Variants in PRKCB observed in about 807,000 individuals in gnomAD.
The protein encoded by PRKCB is protein kinase C beta.
In PRKCB, 13 loss-of-function variants were observed where a neutral mutation model predicts 81.5. The observed-to-expected ratio is 0.16, with a 90% CI of 0.10 to 0.25. The LOEUF (loss-of-function observed/expected upper bound fraction) is 0.25, where lower values mean the gene tolerates loss of function less well. PRKCB is among the 10% of genes least tolerant of loss of function. The pLI, the probability that PRKCB is intolerant of heterozygous loss-of-function variation, is 1.00. For synonymous variants in PRKCB, 335 were observed against 321.4 expected, an observed-to-expected ratio of 1.04 and a Z score of -0.45; for missense variants, 509 against 875.7, an observed-to-expected ratio of 0.58 and a Z score of 5.29.
chr16:23,881,786 G>A (rs1221924012), intron 2 of PRKCB, among the ~76,000 whole-genome samples: 3 of 151,170 alleles, frequency 2.0e-5, no homozygotes, highest in East Asian at 1.9e-4. Flanking sequence ...TTTTCATCTC[G>A]TAAAACTGAA....
chr16:23,916,103 GAGTGC>G (rs1963734660), intron 2 of PRKCB, among the ~76,000 whole-genome samples: 1 of 152,042 alleles, frequency 6.6e-6, no homozygotes, highest in African/African-American at 2.4e-5. Flanking sequence ...GCCCAGGCTG[GAGTGC>G]AGTGGGGTGA....
chr16:24,140,577 G>A (rs1474145822), intron 9 of PRKCB, among the ~76,000 whole-genome samples: 1 of 152,142 alleles, frequency 6.6e-6, no homozygotes, highest in Non-Finnish European at 1.5e-5. Context: ...ATAGGGGTGT[G>A]GAAAATGGTC....
At chr16:23,944,220 G>A (rs770694367) in intron 2 of PRKCB, among the ~76,000 whole-genome samples, 4 of 152,148 alleles carry the variant, frequency 2.6e-5, no homozygotes, top group Admixed American at 6.5e-5. Flanking sequence ...TCTGCATATT[G>A]TGAAAAATTT....
chr16:24,047,443 A>T (rs764574749), intron 5 of PRKCB, among the ~76,000 whole-genome samples: 1 of 152,028 alleles, frequency 6.6e-6, no homozygotes, highest in African/African-American at 2.4e-5. Flanking sequence ...AGGCGGGAAG[A>T]TGACTTGAGC....
chr16:24,053,257 C>T (rs1221363616), intron 5 of PRKCB, among the ~76,000 whole-genome samples: 1 of 152,230 alleles, frequency 6.6e-6, no homozygotes, highest in Non-Finnish European at 1.5e-5. Context: ...AGAGAACAAG[C>T]CAAAGTCCTG....
At chr16:24,162,541 T>C (rs886151620) in intron 10 of PRKCB, among the ~76,000 whole-genome samples, 2 of 148,240 alleles carry the variant, frequency 1.3e-5, no homozygotes, top group East Asian at 2.0e-4. Context: ...CTGGACCTCC[T>C]GGGCTCAAGC....
intron 7 of PRKCB, among the ~76,000 whole-genome samples, chr16:24,096,666 A>AAATATATAT (rs1406204037): frequency 3.7e-4 from 12 of 32,690 alleles, no homozygotes; most frequent in Non-Finnish European, 4.9e-4. Context: ...AAAAAAAAAA[A>AAATATATAT]ATATATATAT....
intron 2 of PRKCB, among the ~76,000 whole-genome samples, chr16:23,955,296 T>C (rs1964335856): frequency 6.6e-6 from 1 of 152,022 alleles, no homozygotes. Context: ...ATGTGAGCCA[T>C]TCACGTGTGT....
chr16:23,911,127 G>GCTTT (rs1963644535), intron 2 of PRKCB, among the ~76,000 whole-genome samples: 1 of 11,792 alleles, frequency 8.5e-5, no homozygotes, highest in Non-Finnish European at 1.7e-4. Flanking sequence ...ACGTATATAT[G>GCTTT]CTTTTTTTTT....
chr16:24,067,179 C>T (rs1271258663), intron 5 of PRKCB, among the ~76,000 whole-genome samples: 5 of 152,178 alleles, frequency 3.3e-5, no homozygotes, highest in Non-Finnish European at 5.9e-5. Context: ...CAATAGTTCT[C>T]TGGTGAAACT....
chr16:24,165,781 T>C (rs1265501973), intron 10 of PRKCB, among the ~76,000 whole-genome samples: 1 of 152,094 alleles, frequency 6.6e-6, no homozygotes, highest in Non-Finnish European at 1.5e-5. Flanking sequence ...TAATTGTGTT[T>C]AAGTTTTTTT....
Position 23,836,165 on chromosome 16 carries a change from C to T in PRKCB, c.-11C>T. On this transcript the variant is annotated 5_prime_UTR_variant, in exon 1 of 17. Transcript: ENST00000643927. ...CCGGCACCTCTCGGGCTCCGGCTCC[C>T]CGCGCGCAAGATGGCTGACCCGGCT... 6.6e-7 allele frequency: 1 copy of T among 1,520,188 alleles called. No homozygotes were observed. Among genetic ancestry groups the T allele is most frequent in the Admixed American group, 2.3e-5 (1 of 44,394 alleles). The allele number at this position is 1,520,188 out of a possible 1,614,324, so 94.2% of individuals were successfully genotyped here. A position where few individuals can be genotyped will look rare whatever the true frequency, so the allele number is the denominator to read the frequency against.
chr16:24,130,310 A>G lies in PRKCB; in HGVS notation c.1065+6329A>G, dbSNP rs1341428003. Among the ~76,000 whole-genome samples, 6 of 152,182 alleles carry G rather than the reference A, an allele frequency of 3.9e-5. No individual in the cohort carries two copies. In the East Asian group the frequency reaches 7.7e-4, roughly 20 times the overall value. ...GCAACTGTGATGTTTAGTATGTTCC[A>G]TGGGCACCTGCGGGAGTGGGATTTG... On this transcript the variant is annotated intron_variant, in intron 9 of 16. Transcript: ENST00000643927.
intron 15 of PRKCB, among the ~76,000 whole-genome samples, chr16:24,187,635 A>G (rs145509727): frequency 1.3e-5 from 2 of 152,108 alleles, no homozygotes; most frequent in African/African-American, 4.8e-5. Context: ...TGACCCTTCT[A>G]CTTTCTAGGC....
intron 2 of PRKCB, among the ~76,000 whole-genome samples, chr16:23,901,075 C>G (rs1963465275): frequency 6.6e-6 from 1 of 152,156 alleles, no homozygotes; most frequent in Admixed American, 6.5e-5. Context: ...CACACTGGAA[C>G]AGCTCTCTCT....
intron 9 of PRKCB, among the ~76,000 whole-genome samples, chr16:24,139,803 A>G (rs1966882147): frequency 6.6e-6 from 1 of 152,256 alleles, no homozygotes; most frequent in Admixed American, 6.5e-5. Flanking sequence ...ATCAAGAAAT[A>G]GCCAAGTTGT....
At chr16:24,130,295 T>C (rs575181933) in intron 9 of PRKCB, among the ~76,000 whole-genome samples, 32 of 152,250 alleles carry the variant, frequency 2.1e-4, no homozygotes, top group African/African-American at 7.0e-4. Flanking sequence ...GCAACTGTGA[T>C]GTTTAGTATG....
intron 2 of PRKCB, among the ~76,000 whole-genome samples, chr16:23,872,414 G>A (rs1053816225): frequency 3.3e-5 from 5 of 152,198 alleles, no homozygotes; most frequent in Admixed American, 1.3e-4. Flanking sequence ...CTACCTACTC[G>A]GGGGGCTGTG....
intron 2 of PRKCB, among the ~76,000 whole-genome samples, chr16:23,856,979 C>A (rs960851624): frequency 6.6e-6 from 1 of 151,980 alleles, no homozygotes; most frequent in African/African-American, 2.4e-5. Context: ...GAACTTGGCC[C>A]ATGGACTGTT....
Sources: allele counts gnomAD v4.1 joint callset (sites outside exome capture counted in the v4.1 genomes callset), GRCh38; gene constraint gnomAD v4.1.1; transcripts MANE v1.5; gene names NCBI Gene and HGNC (gene_info 2026-07-23, HGNC 2026-07-21).